The following LYPLA1 variants were observed in gnomAD, a reference collection of about 807,000 sequenced individuals.
The protein encoded by LYPLA1 is lysophospholipase 1.
LYPLA1 carries 17 observed loss-of-function variants against 34.0 expected under a neutral mutation model. That is an observed-to-expected ratio of 0.50 (90% CI 0.34 to 0.75). LYPLA1 has a LOEUF of 0.75. Among genes scored for constraint, LYPLA1 ranks in the 30% least tolerant of loss-of-function variants. The pLI, the probability that LYPLA1 is intolerant of heterozygous loss-of-function variation, is 0.01. For synonymous variants in LYPLA1, 98 were observed against 100.8 expected (o/e 0.97, Z 0.17); for missense variants, 203 against 288.8 (o/e 0.70, Z 2.15).
At chr8:54,090,749 C>T (rs1381789835) in intron 2 of LYPLA1, among the ~76,000 whole-genome samples, 13 of 152,182 alleles carry the variant, frequency 8.5e-5, no homozygotes, top group East Asian at 1.9e-4. Flanking sequence ...CATTGCATTG[C>T]GGGCTGCTGG....
At chr8:54,058,133 T>TTTTAAAATTGTACGTAGTTAAGTG (rs959831474) in intron 5 of LYPLA1, among the ~76,000 whole-genome samples, 12 of 152,354 alleles carry the variant, frequency 7.9e-5, no homozygotes, top group African/African-American at 2.6e-4. Flanking sequence ...AAAGTTGTCA[T>TTTTAAAATTGTACGTAGTTAAGTG]TTTAAAATTG....
At chr8:54,080,204 T>C (rs1190335863) in intron 2 of LYPLA1, among the ~76,000 whole-genome samples, 2 of 151,744 alleles carry the variant, frequency 1.3e-5, no homozygotes, top group African/African-American at 4.8e-5. Context: ...TGGGCAACAA[T>C]GGCAAAACCC....
At chr8:54,065,488 A>G (rs1209773644) in intron 3 of LYPLA1, among the ~76,000 whole-genome samples, 1 of 147,172 alleles carries the variant, frequency 6.8e-6, no homozygotes, top group African/African-American at 2.6e-5. Flanking sequence ...ATAAATAAAT[A>G]AAATAATTTT....
At position 54,073,054 on chromosome 8, in the gene LYPLA1, C is replaced by T. The variant is rs1255076590; in HGVS notation, c.102-7241G>A. 1.1e-5 allele frequency: 6 copies of T among 524,040 alleles called. 1 individual carries two copies. Among genetic ancestry groups the T allele is most frequent in the South Asian group, 1.1e-4 (6 of 52,756 alleles). The allele number at this position is 524,040 out of a possible 1,614,324, so 32.5% of individuals were successfully genotyped here. A position where few individuals can be genotyped will look rare whatever the true frequency, so the allele number is the denominator to read the frequency against. ...CAACAAAATACCATCTCACAGCAGG[C>T]AGAATGGCTATCATCAAAAAGTCAA... On this transcript the variant is annotated intron_variant, in intron 2 of 8. Transcript: ENST00000316963.
chr8:54,050,906 G>T (rs1805794852), intron 8 of LYPLA1, 106 bp downstream of exon 8: 6 of 1,178,772 alleles, frequency 5.1e-6, no homozygotes, highest in Admixed American at 2.2e-5. Context: ...GACTCAATAT[G>T]AATTAACTCA....
chr8:54,087,336 A>G (rs1263254191), intron 2 of LYPLA1, among the ~76,000 whole-genome samples: 1 of 152,232 alleles, frequency 6.6e-6, no homozygotes, highest in Non-Finnish European at 1.5e-5. Context: ...AAATAAGTGA[A>G]GGACTTGAAA....
chr8:54,085,634 C>T lies in LYPLA1; in HGVS notation c.101+15274G>A, dbSNP rs552482273. Among the ~76,000 whole-genome samples, 412 of 150,000 alleles carry T rather than the reference C, an allele frequency of 2.7e-3. 4 individuals are homozygous for T. Among genetic ancestry groups the T allele is most frequent in the African/African-American group, 9.2e-3 (374 of 40,772 alleles). On this transcript the variant is annotated intron_variant, in intron 2 of 8. Coordinates refer to ENST00000316963, the MANE Select transcript of LYPLA1 (RefSeq NM_006330.4). Reference sequence around the variant, plus strand: ...GAGCGCCTCTGCCTGGCCGCGACCCCGTCTGGGAACTGAGGAGTGTCTCTG... The same window carrying T: ...GAGCGCCTCTGCCTGGCCGCGACCCTGTCTGGGAACTGAGGAGTGTCTCTG...
intron 2 of LYPLA1, among the ~76,000 whole-genome samples, chr8:54,072,644 C>A (rs1184919531): frequency 6.6e-6 from 1 of 151,782 alleles, no homozygotes; most frequent in Non-Finnish European, 1.5e-5. Flanking sequence ...AATCAAACAA[C>A]CCCATTGAAA....
In LYPLA1 at chr8:54,051,200, A is replaced by G. The variant is rs767311048; in HGVS notation, c.463-12T>C. ...CCACCGATAGGACCCTGCAAAAAGCAAAAGAAGAAATAGTTTTATTTTTGT... is the reference window on the plus strand; with the variant it reads ...CCACCGATAGGACCCTGCAAAAAGCGAAAGAAGAAATAGTTTTATTTTTGT... On this transcript the variant is annotated splice_polypyrimidine_tract_variant and intron_variant, in intron 7 of 8. Transcript: ENST00000316963. The G allele has an allele frequency of 6.3e-7, 1 of 1,581,370 alleles. No homozygotes were observed. Among genetic ancestry groups the G allele is most frequent in the Non-Finnish European group, 8.6e-7 (1 of 1,163,926 alleles).
intron 2 of LYPLA1, among the ~76,000 whole-genome samples, chr8:54,082,155 A>C (rs1383820662): frequency 6.6e-6 from 1 of 152,250 alleles, no homozygotes; most frequent in East Asian, 1.9e-4. Flanking sequence ...ACACAGATCA[A>C]AAGTTAAGCC....
intron 5 of LYPLA1, among the ~76,000 whole-genome samples, chr8:54,056,949 G>A (rs920425552): frequency 2.0e-5 from 3 of 151,984 alleles, no homozygotes; most frequent in Non-Finnish European, 4.4e-5. Context: ...CCAAAGATCT[G>A]AATAGACATT....
At chr8:54,062,840 G>A (rs1404403197) in intron 4 of LYPLA1, among the ~76,000 whole-genome samples, 1 of 152,118 alleles carries the variant, frequency 6.6e-6, no homozygotes, top group Non-Finnish European at 1.5e-5. Context: ...CAGACCTGAT[G>A]TTAGGAGTCT....
chr8:54,057,197 G>C (rs1297511933), intron 5 of LYPLA1, among the ~76,000 whole-genome samples: 3 of 152,122 alleles, frequency 2.0e-5, no homozygotes, highest in Admixed American at 6.5e-5. Flanking sequence ...ACAGTTTGGA[G>C]GTTCCTCAAA....
chr8:54,062,850 TC>T (rs1386579357), intron 4 of LYPLA1, among the ~76,000 whole-genome samples: 1 of 152,086 alleles, frequency 6.6e-6, no homozygotes, highest in African/African-American at 2.4e-5. Context: ...GTTAGGAGTC[TC>T]AGAGAACAGT....
chr8:54,068,461 C>T (rs187558857), intron 2 of LYPLA1, among the ~76,000 whole-genome samples: 1 of 152,256 alleles, frequency 6.6e-6, no homozygotes, highest in Admixed American at 6.5e-5. Flanking sequence ...TTCTTAATCT[C>T]AAAAATTCCT....
At chr8:54,071,944 A>G (rs2129341454) in intron 2 of LYPLA1, among the ~76,000 whole-genome samples, 1 of 152,314 alleles carries the variant, frequency 6.6e-6, no homozygotes, top group Admixed American at 6.5e-5. Context: ...CCTAAGCAAA[A>G]AGAACAAAGC....
intron 1 of LYPLA1, 48 bp downstream of exon 1, chr8:54,101,707 G>T: frequency 7.9e-7 from 1 of 1,258,908 alleles, no homozygotes; most frequent in Non-Finnish European, 1.0e-6. Context: ...GGCAACCACC[G>T]GTGGCCGGCC....
chr8:54,092,306 TGGA>T (rs564501188), intron 2 of LYPLA1, among the ~76,000 whole-genome samples: 6 of 103,970 alleles, frequency 5.8e-5, no homozygotes, highest in Middle Eastern at 5.7e-3. Context: ...GAAGAGAAGG[TGGA>T]GGAGGAGGAG....
At chr8:54,100,399 ATAAG>A (rs1357322005) in intron 2 of LYPLA1, 1 of 152,574 alleles carries the variant, frequency 6.6e-6, no homozygotes, top group Non-Finnish European at 1.5e-5. Context: ...TAAAATAAAA[ATAAG>A]TAGTTAGTAC....
Sources: allele counts gnomAD v4.1 joint callset (sites outside exome capture counted in the v4.1 genomes callset), GRCh38; gene constraint gnomAD v4.1.1; transcripts MANE v1.5; gene names NCBI Gene and HGNC (gene_info 2026-07-23, HGNC 2026-07-21).